The following NTRK3 variants were observed in gnomAD, a reference collection of about 807,000 sequenced individuals.
NTRK3 encodes neurotrophic receptor tyrosine kinase 3.
A neutral mutation model predicts 91.7 loss-of-function variants in NTRK3; 24 were observed. That is an observed-to-expected ratio of 0.26 (90% CI 0.19 to 0.37). The LOEUF is 0.37. Among genes scored for constraint, NTRK3 ranks in the 10% least tolerant of loss-of-function variants. NTRK3 has a pLI of 1.00. For missense variants in NTRK3, 880 were observed against 1,068.9 expected (o/e 0.82, Z 2.46); for synonymous variants, 483 against 404.0 (o/e 1.20, Z -2.34).
chr15:88,000,391 C>T (rs1307017908), intron 14 of NTRK3, among the ~76,000 whole-genome samples: 1 of 152,116 alleles, frequency 6.6e-6, no homozygotes, highest in South Asian at 2.1e-4. Flanking sequence ...GGGTTTTTTT[C>T]TCTTAGAATC....
chr15:88,193,558 T>A (rs562988677), intron 3 of NTRK3, among the ~76,000 whole-genome samples: 2 of 152,074 alleles, frequency 1.3e-5, no homozygotes, highest in African/African-American at 4.8e-5. Context: ...AAAGCATGAG[T>A]TTTCTAAGGG....
chr15:88,223,554 A>T lies in NTRK3; in HGVS notation c.248+32352T>A, dbSNP rs746198648. Among the ~76,000 whole-genome samples, 48 of 152,348 alleles carry T rather than the reference A, an allele frequency of 3.2e-4. No individual in the cohort carries two copies. The Middle Eastern group carries it at 0.01, about 32-fold the overall frequency. The stretch of plus-strand genomic sequence containing the variant: ...CAGGGGCCAGAAGCAGGCCTGGGGC[A>T]GCCCTAGGTAAGGAGGCAGCATTCA... On this transcript the variant is annotated intron_variant, in intron 3 of 18. Transcript: ENST00000394480.
intron 3 of NTRK3, among the ~76,000 whole-genome samples, chr15:88,215,714 G>C (rs766192547): frequency 3.7e-4 from 56 of 152,232 alleles, no homozygotes; most frequent in Admixed American, 7.2e-4. Flanking sequence ...TGAGAGAATT[G>C]CAAGTCCATT....
chr15:87,983,399 T>G (rs2074464590), intron 14 of NTRK3, among the ~76,000 whole-genome samples: 1 of 152,126 alleles, frequency 6.6e-6, no homozygotes, highest in Non-Finnish European at 1.5e-5. Context: ...TCAACCCCAT[T>G]GCAGGTAGGC....
intron 13 of NTRK3, among the ~76,000 whole-genome samples, chr15:88,097,625 T>C (rs962140526): frequency 5.3e-5 from 8 of 152,238 alleles, no homozygotes; most frequent in Admixed American, 3.3e-4. Flanking sequence ...TTACTGATAA[T>C]AGTATTTGTA....
chr15:88,115,227 G>C (rs1247633532), intron 13 of NTRK3, among the ~76,000 whole-genome samples: 1 of 152,238 alleles, frequency 6.6e-6, no homozygotes, highest in Non-Finnish European at 1.5e-5. Context: ...CTTCTCCTCA[G>C]AAGGCAGCAA....
intron 17 of NTRK3, among the ~76,000 whole-genome samples, chr15:87,921,575 G>A (rs769568998): frequency 3.9e-5 from 6 of 152,142 alleles, no homozygotes; most frequent in Non-Finnish European, 8.8e-5. Context: ...GACTTGTGAT[G>A]GACCCCTTCC....
intron 14 of NTRK3, among the ~76,000 whole-genome samples, chr15:88,023,130 A>T (rs77170116): frequency 0.011 from 1,614 of 152,306 alleles, 24 homozygotes; most frequent in African/African-American, 0.037. Flanking sequence ...TAGGGAACTC[A>T]GACATCAGCA....
chr15:88,033,295 A>T (rs1337854280), intron 13 of NTRK3, among the ~76,000 whole-genome samples: 1 of 137,062 alleles, frequency 7.3e-6, no homozygotes, highest in African/African-American at 2.8e-5. Context: ...TTTTTTTTCC[A>T]TTCTATAGGT....
chr15:87,932,973 G>T (rs2141952810), intron 16 of NTRK3, 39 bp downstream of exon 16: 1 of 1,609,684 alleles, frequency 6.2e-7, no homozygotes, highest in Non-Finnish European at 8.5e-7. Context: ...GGTTCGGTGG[G>T]ACTGGGGTCA....
At chr15:87,907,299 C>T (rs2066828412) in intron 17 of NTRK3, among the ~76,000 whole-genome samples, 1 of 152,100 alleles carries the variant, frequency 6.6e-6, no homozygotes, top group African/African-American at 2.4e-5. Flanking sequence ...GGCTGCCAAG[C>T]ATGTTTGTTC....
intron 13 of NTRK3, among the ~76,000 whole-genome samples, chr15:88,089,717 C>CT (rs1251553381): frequency 1.3e-5 from 2 of 152,220 alleles, no homozygotes; most frequent in African/African-American, 4.8e-5. Flanking sequence ...CAGGGCACAA[C>CT]CTGTGCTACT....
chr15:87,887,358 C>A (rs576562274), intron 17 of NTRK3, among the ~76,000 whole-genome samples: 2 of 152,240 alleles, frequency 1.3e-5, no homozygotes, highest in South Asian at 4.1e-4. Context: ...AAGTCAGAAG[C>A]CCTGGGTTCT....
chr15:88,128,729 T>A lies in NTRK3; in HGVS notation c.1210A>T (p.Thr404Ser), dbSNP rs750857475. The A allele has an allele frequency of 2.5e-6, 4 of 1,613,932 alleles. No homozygotes were observed. In the African/African-American group the frequency reaches 5.3e-5, roughly 22 times the overall value. The change falls in exon 11 of 19, where the codon ACG (threonine) becomes TCG (serine). Residue 404 changes from threonine (T) to serine (S), a missense_variant. By Grantham distance (58) the Thr-to-Ser change is moderately conservative (BLOSUM62 1). Coordinates refer to ENST00000394480, the Ensembl canonical transcript of NTRK3. ...GACTTACACAAGATAAAGTTATCCG[T>A]GCTCTCTGCAAAAAAAGGACAAAGA...
intron 3 of NTRK3, among the ~76,000 whole-genome samples, chr15:88,215,602 C>T (rs1031078203): frequency 2.6e-5 from 4 of 152,146 alleles, no homozygotes; most frequent in African/African-American, 9.7e-5. Context: ...CCAAAGAATT[C>T]TAGAATGAGA....
chr15:87,938,984 C>T (rs1418553597), intron 15 of NTRK3, among the ~76,000 whole-genome samples: 1 of 152,126 alleles, frequency 6.6e-6, no homozygotes, highest in East Asian at 1.9e-4. Flanking sequence ...GCAAACTATG[C>T]TTATTTTGGT....
At chr15:87,860,914 T>C (rs2064508168) in exon 19 of NTRK3, 1 of 222,038 alleles carries the variant, frequency 4.5e-6, no homozygotes, top group Non-Finnish European at 9.0e-6. Context: ...TCAACTGCTG[T>C]GGTCAACGTC....
rs769052187 is a variant in NTRK3 at position 88,124,224 on chromosome 15, G to A, written c.1396+2047C>T. The stretch of plus-strand genomic sequence containing the variant: ...CAGTATAACTTACTTTAAGTTGCCC[G>A]ACTTTACAATAGAGGATATTTCACT... On this transcript the variant is annotated intron_variant, in intron 13 of 18. Transcript: ENST00000394480. Among the ~76,000 whole-genome samples the A allele has an allele frequency of 7.2e-5, 11 of 152,080 alleles. No homozygotes were observed. The East Asian group carries it at 1.4e-3, about 19-fold the overall frequency.
At chr15:88,150,467 T>A (rs2043268243) in intron 5 of NTRK3, among the ~76,000 whole-genome samples, 2 of 152,174 alleles carry the variant, frequency 1.3e-5, no homozygotes, top group African/African-American at 4.8e-5. Flanking sequence ...GGACCCCTGT[T>A]AAGGGGGAAG....
Sources: gnomAD v4.1 joint callset for allele counts (sites outside exome capture counted in the v4.1 genomes callset) on GRCh38, gnomAD v4.1.1 for gene constraint, MANE v1.5 for transcripts, NCBI Gene and HGNC (gene_info 2026-07-23, HGNC 2026-07-21) for gene names.